CACNA2D3: variants seen among roughly 807,000 people sequenced by gnomAD.
The protein encoded by CACNA2D3 is calcium voltage-gated channel auxiliary subunit alpha2delta 3.
In CACNA2D3, 60 loss-of-function variants were observed where a neutral mutation model predicts 160.6. The observed-to-expected ratio is 0.37, with a 90% confidence interval of 0.30 to 0.46. The LOEUF (loss-of-function observed/expected upper bound fraction) is 0.46. Among genes scored for constraint, CACNA2D3 ranks in the 20% least tolerant of loss-of-function variants. The pLI is 1.00. For synonymous variants in CACNA2D3, 558 were observed against 492.9 expected (o/e 1.13, Z -1.75); for missense variants, 1,205 against 1,365.0 (o/e 0.88, Z 1.85).
chr3:54,960,350 A>T (rs562857171), intron 27 of CACNA2D3, among the ~76,000 whole-genome samples: 1 of 152,292 alleles, frequency 6.6e-6, no homozygotes, highest in East Asian at 1.9e-4. Flanking sequence ...CCAACCCCCC[A>T]TACCACAGGG....
chr3:54,808,346 C>T (rs1046877902), intron 13 of CACNA2D3, among the ~76,000 whole-genome samples: 135 of 152,262 alleles, frequency 8.9e-4, no homozygotes, highest in Non-Finnish European at 1.1e-3. Flanking sequence ...CTGAGCTCTG[C>T]CATGTCACTG....
At chr3:54,192,275 T>G (rs1700998487) in intron 2 of CACNA2D3, among the ~76,000 whole-genome samples, 1 of 152,142 alleles carries the variant, frequency 6.6e-6, no homozygotes, top group Non-Finnish European at 1.5e-5. Flanking sequence ...CAAGAATATA[T>G]CACTGTGGAG....
chr3:54,356,734 G>T (rs535485328), intron 3 of CACNA2D3, among the ~76,000 whole-genome samples: 1 of 152,216 alleles, frequency 6.6e-6, no homozygotes, highest in East Asian at 1.9e-4. Flanking sequence ...TATTGAAAAT[G>T]GGCCATATGA....
chr3:54,477,470 C>T (rs576590021), intron 4 of CACNA2D3, among the ~76,000 whole-genome samples: 120 of 152,196 alleles, frequency 7.9e-4, no homozygotes, highest in African/African-American at 2.8e-3. Flanking sequence ...CTTGTGTTTC[C>T]CCAAGAACAG....
intron 17 of CACNA2D3, among the ~76,000 whole-genome samples, chr3:54,860,537 A>G (rs1699268474): frequency 6.6e-6 from 1 of 152,146 alleles, no homozygotes; most frequent in Non-Finnish European, 1.5e-5. Context: ...TACAAATATA[A>G]ATGTTATGTT....
chr3:54,401,773 C>T (rs912868670), intron 4 of CACNA2D3, among the ~76,000 whole-genome samples: 1 of 151,990 alleles, frequency 6.6e-6, no homozygotes. Context: ...CAAGTAGAAA[C>T]AAAAGGATGT....
In CACNA2D3 at chr3:54,838,638, C is replaced by G; in HGVS notation, c.1541C>G (p.Pro514Arg). The G allele has an allele frequency of 6.2e-7, 1 of 1,610,504 alleles. No homozygotes were observed. ...GTGAAAGAACTTCTGAAGACCATCC[C>G]CAAATACAAGGTAATGAATGACCTA... ...VPVKELLKTIPKYKLGIHGYA... is the reference protein window; with the variant it reads ...VPVKELLKTIRKYKLGIHGYA... Residue 514 changes from proline (P) to arginine (R), a missense_variant, in exon 16 of 38, where the codon CCC becomes CGC. Pro to Arg is a moderately radical substitution (Grantham distance 103). Coordinates refer to ENST00000474759, the MANE Select transcript of CACNA2D3 (RefSeq NM_018398.3).
intron 4 of CACNA2D3, among the ~76,000 whole-genome samples, chr3:54,389,496 A>G (rs185022241): frequency 7.2e-4 from 109 of 152,346 alleles, no homozygotes; most frequent in Admixed American, 1.9e-3. Flanking sequence ...CATCAATTAC[A>G]AAGGGAAAAA....
chr3:54,181,605 A>G (rs1443353127), intron 2 of CACNA2D3, among the ~76,000 whole-genome samples: 1 of 152,170 alleles, frequency 6.6e-6, no homozygotes, highest in Non-Finnish European at 1.5e-5. Context: ...AGTTAATGTG[A>G]CTTGCTTCAT....
At chr3:54,177,946 T>C (rs888389469) in intron 2 of CACNA2D3, 4 of 152,198 alleles carry the variant, frequency 2.6e-5, no homozygotes, top group African/African-American at 9.6e-5. Context: ...AAATATTACC[T>C]TATTTCCACG....
chr3:54,402,959 G>A (rs755061502), intron 4 of CACNA2D3, among the ~76,000 whole-genome samples: 6 of 152,068 alleles, frequency 3.9e-5, no homozygotes, highest in South Asian at 2.1e-4. Flanking sequence ...ATGAAACTAC[G>A]AATCAACAAT....
chr3:54,589,327 A>G (rs961698249), intron 9 of CACNA2D3, among the ~76,000 whole-genome samples: 2 of 152,134 alleles, frequency 1.3e-5, no homozygotes, highest in African/African-American at 4.8e-5. Context: ...ACAGACAAAA[A>G]CAAACAAAAA....
At chr3:54,703,436 AT>A (rs1331912309) in intron 11 of CACNA2D3, among the ~76,000 whole-genome samples, 1 of 152,032 alleles carries the variant, frequency 6.6e-6, no homozygotes, top group Non-Finnish European at 1.5e-5. Context: ...GTGGTATTAC[AT>A]TTTTTTAAGG....
intron 2 of CACNA2D3, among the ~76,000 whole-genome samples, chr3:54,287,803 G>C (rs1377985178): frequency 4.7e-5 from 7 of 149,438 alleles, no homozygotes; most frequent in Non-Finnish European, 8.9e-5. Flanking sequence ...CATGGAAACT[G>C]AACAACCTGC....
At position 54,720,305 on chromosome 3, in the gene CACNA2D3, A is replaced by G. The variant is rs531199627; in HGVS notation, c.1168-32294A>G. On this transcript the variant is annotated intron_variant, in intron 11 of 37. Transcript: ENST00000474759. ...TTTTAGTAATAGTGCACTTTTAGATATCATATTTTCATTATCATTGAACTC... is the reference window on the plus strand; with the variant it reads ...TTTTAGTAATAGTGCACTTTTAGATGTCATATTTTCATTATCATTGAACTC... Among the ~76,000 whole-genome samples, 10 of 152,088 alleles carry G rather than the reference A, an allele frequency of 6.6e-5. 1 individual carries two copies. The East Asian group carries it at 1.9e-3, about 29-fold the overall frequency.
chr3:54,763,785 A>ATGTACG (rs1702146535), intron 12 of CACNA2D3, among the ~76,000 whole-genome samples: 1 of 52,510 alleles, frequency 1.9e-5, no homozygotes, highest in Non-Finnish European at 3.9e-5. Context: ...ATGTACATAT[A>ATGTACG]TATGTATATA....
chr3:54,745,511 A>G (rs1461563565), intron 11 of CACNA2D3, among the ~76,000 whole-genome samples: 2 of 152,364 alleles, frequency 1.3e-5, no homozygotes, highest in Non-Finnish European at 2.9e-5. Context: ...CATCAGAGCA[A>G]TAATACTACA....
intron 4 of CACNA2D3, among the ~76,000 whole-genome samples, chr3:54,491,698 A>G (rs1443231125): frequency 6.6e-6 from 1 of 152,196 alleles, no homozygotes; most frequent in African/African-American, 2.4e-5. Flanking sequence ...ACACAGCCAC[A>G]CCCATTTTTA....
chr3:54,640,322 A>C (rs563535122), intron 10 of CACNA2D3, among the ~76,000 whole-genome samples: 1 of 152,228 alleles, frequency 6.6e-6, no homozygotes, highest in Non-Finnish European at 1.5e-5. Flanking sequence ...TGCAGATTTT[A>C]ATAGAGAAGG....
Sources: gnomAD v4.1 joint callset for allele counts (sites outside exome capture counted in the v4.1 genomes callset) on GRCh38, gnomAD v4.1.1 for gene constraint, MANE v1.5 for transcripts, NCBI Gene and HGNC (gene_info 2026-07-23, HGNC 2026-07-21) for gene names.